The following INPP4B variants were observed in gnomAD, a reference collection of about 807,000 sequenced individuals.
The protein encoded by INPP4B is inositol polyphosphate-4-phosphatase type II B, also known as inositol polyphosphate 4-phosphatase type II.
A neutral mutation model predicts 122.5 loss-of-function variants in INPP4B; 55 were observed. The ratio of observed to expected loss-of-function variants is 0.45; its 90% CI spans 0.36 to 0.56. The LOEUF (loss-of-function observed/expected upper bound fraction) is 0.56, where lower values mean the gene tolerates loss of function less well. Ranked by LOEUF, INPP4B falls within the 20% of genes least tolerant of loss-of-function variation. INPP4B has a pLI of 0.00. For synonymous variants in INPP4B, 403 were observed against 388.7 expected, an observed-to-expected ratio of 1.04 and a Z score of -0.43; for missense variants, 1,000 against 1,097.7, an observed-to-expected ratio of 0.91 and a Z score of 1.26.
chr4:142,253,820 C>T (rs1579463279), intron 11 of INPP4B, among the ~76,000 whole-genome samples: 1 of 152,200 alleles, frequency 6.6e-6, no homozygotes, highest in South Asian at 2.1e-4. Flanking sequence ...GTAAACAAAG[C>T]AGCCAGGAAG....
chr4:142,323,443 C>CTT lies in INPP4B; in HGVS notation c.373-8683_373-8682dup, dbSNP rs144904107. Among the ~76,000 whole-genome samples the CTT allele has an allele frequency of 3.9e-3, 474 of 120,012 alleles. 14 individuals carry two copies. Among genetic ancestry groups the CTT allele is most frequent in the South Asian group, 0.023 (81 of 3,566 alleles). 78.7% of individuals were successfully genotyped at this position (120,012 alleles called of 152,430 possible). A position where few individuals can be genotyped will look rare whatever the true frequency, so the allele number is the denominator to read the frequency against. ...AGGTTCATTATTACGGTTATGATGA[C>CTT]TTTTTTTTTTTTTTTTTTTTGAGAC... On this transcript the variant is annotated intron_variant, in intron 7 of 25. Transcript: ENST00000262992.
intron 9 of INPP4B, among the ~76,000 whole-genome samples, chr4:142,301,367 A>G (rs555915638): frequency 6.6e-6 from 1 of 152,270 alleles, no homozygotes; most frequent in South Asian, 2.1e-4. Context: ...AAAACCCATT[A>G]AACAAAAGAA....
intron 18 of INPP4B, among the ~76,000 whole-genome samples, chr4:142,125,223 TC>T (rs2152762267): frequency 6.6e-6 from 1 of 152,166 alleles, no homozygotes; most frequent in Non-Finnish European, 1.5e-5. Flanking sequence ...TTGGATTACT[TC>T]CTGGACTACT....
At chr4:142,295,069 G>A (rs1262271077) in intron 9 of INPP4B, among the ~76,000 whole-genome samples, 3 of 152,112 alleles carry the variant, frequency 2.0e-5, no homozygotes, top group African/African-American at 7.2e-5. Flanking sequence ...GCTACATTTA[G>A]GGTACCTGAA....
At chr4:142,112,466 A>G in intron 22 of INPP4B, 76 bp downstream of exon 22, 1 of 1,408,398 alleles carries the variant, frequency 7.1e-7, no homozygotes, top group Non-Finnish European at 9.9e-7. Context: ...CTACATGCAG[A>G]TACATGGGAC....
At chr4:142,175,969 T>C (rs1437223884) in intron 15 of INPP4B, among the ~76,000 whole-genome samples, 1 of 151,944 alleles carries the variant, frequency 6.6e-6, no homozygotes, top group Non-Finnish European at 1.5e-5. Context: ...GATCCCTCTT[T>C]GCAGGTCTGC....
At chr4:142,806,786 G>GAAAGAAGGAAGGAAA (rs1554013556) in intron 1 of INPP4B, among the ~76,000 whole-genome samples, 2 of 75,948 alleles carry the variant, frequency 2.6e-5, no homozygotes, top group Non-Finnish European at 5.3e-5. Flanking sequence ...AAAGAAAGAA[G>GAAAGAAGGAAGGAAA]GAAAGAAAGA....
chr4:142,463,611 C>T (rs1428685499), intron 2 of INPP4B, among the ~76,000 whole-genome samples: 2 of 152,144 alleles, frequency 1.3e-5, no homozygotes, highest in Non-Finnish European at 2.9e-5. Flanking sequence ...CCATCCAAGT[C>T]TCATCTTGAA....
chr4:142,150,603 G>C (rs1464631447), intron 17 of INPP4B, among the ~76,000 whole-genome samples: 1 of 152,178 alleles, frequency 6.6e-6, no homozygotes, highest in Non-Finnish European at 1.5e-5. Flanking sequence ...AGTCAGTGGG[G>C]AACCAGCAGC....
chr4:142,829,184 A>G (rs1417075908), intron 1 of INPP4B, among the ~76,000 whole-genome samples: 1 of 151,248 alleles, frequency 6.6e-6, no homozygotes, highest in African/African-American at 2.4e-5. Flanking sequence ...AAAAGAAAAT[A>G]TCATGGGCTG....
At position 142,108,099 on chromosome 4, in the gene INPP4B, G is replaced by A. The variant is rs754672232; in HGVS notation, c.2368C>T (p.Pro790Ser). 4 of 1,475,624 alleles carry A rather than the reference G, an allele frequency of 2.7e-6. No homozygotes were observed. The Admixed American group carries it at 5.1e-5, about 19-fold the overall frequency. 91.4% of individuals were successfully genotyped at this position (1,475,624 alleles called of 1,614,324 possible). ...YYKIFMEKMP[P>S]DYISHFQEQN... Reference sequence around the variant, plus strand: ...CTCTAACTCACATACTTACAATCAGGAGGCATCTTTTCCATAAATATCTTG... The same window carrying A: ...CTCTAACTCACATACTTACAATCAGAAGGCATCTTTTCCATAAATATCTTG... The change falls in exon 23 of 26, where the codon CCT (proline) becomes TCT (serine). Residue 790 changes from proline to serine, a missense_variant. By Grantham distance (74) the Pro-to-Ser change is moderately conservative (BLOSUM62 -1). Coordinates refer to ENST00000262992, the MANE Select transcript of INPP4B (RefSeq NM_001101669.3).
intron 14 of INPP4B, among the ~76,000 whole-genome samples, chr4:142,202,574 T>C (rs1841103292): frequency 6.6e-6 from 1 of 152,090 alleles, no homozygotes; most frequent in South Asian, 2.1e-4. Context: ...TCTCTTCTGC[T>C]CCTTCCTTCT....
intron 7 of INPP4B, among the ~76,000 whole-genome samples, chr4:142,333,388 G>A (rs1441716254): frequency 6.6e-6 from 1 of 152,172 alleles, no homozygotes; most frequent in East Asian, 1.9e-4. Context: ...TGAAACAATT[G>A]ATGCATTCGT....
intron 2 of INPP4B, among the ~76,000 whole-genome samples, chr4:142,582,334 A>T (rs1735285972): frequency 1.3e-5 from 2 of 152,146 alleles, no homozygotes; most frequent in Non-Finnish European, 2.9e-5. Flanking sequence ...AAGTGAAGCC[A>T]CAAAAATATA....
chr4:142,706,336 T>C (rs936959485), intron 2 of INPP4B, among the ~76,000 whole-genome samples: 2 of 152,202 alleles, frequency 1.3e-5, no homozygotes, highest in African/African-American at 4.8e-5. Flanking sequence ...GGCGGATATG[T>C]ATGTTGTTTA....
chr4:142,329,989 C>A (rs1453091774), intron 7 of INPP4B, among the ~76,000 whole-genome samples: 1 of 152,044 alleles, frequency 6.6e-6, no homozygotes, highest in African/African-American at 2.4e-5. Flanking sequence ...AAACTCAATT[C>A]TCTGGAAAAA....
intron 1 of INPP4B, among the ~76,000 whole-genome samples, chr4:142,778,771 T>C (rs1479359473): frequency 1.3e-5 from 2 of 152,210 alleles, no homozygotes; most frequent in Admixed American, 6.6e-5. Flanking sequence ...GAATTTCATA[T>C]AGTTTACCTT....
At chr4:142,438,880 A>T (rs564487079) in intron 3 of INPP4B, among the ~76,000 whole-genome samples, 50 of 152,350 alleles carry the variant, frequency 3.3e-4, no homozygotes, top group African/African-American at 1.2e-3. Context: ...CCCCAGCAAG[A>T]CATTAAATGC....
chr4:142,639,963 C>T (rs553109781), intron 2 of INPP4B, among the ~76,000 whole-genome samples: 1 of 151,840 alleles, frequency 6.6e-6, no homozygotes, highest in African/African-American at 2.4e-5. Flanking sequence ...TAGATGTGAC[C>T]ATGCAGAAGC....
Sources: gnomAD v4.1 joint callset for allele counts (sites outside exome capture counted in the v4.1 genomes callset) on GRCh38, gnomAD v4.1.1 for gene constraint, MANE v1.5 for transcripts, NCBI Gene and HGNC (gene_info 2026-07-23, HGNC 2026-07-21) for gene names.